The following KDM4B variants were observed in gnomAD, a reference collection of about 807,000 sequenced individuals.
The protein encoded by KDM4B is lysine demethylase 4B, also known as lysine-specific demethylase 4B.
A neutral mutation model predicts 125.2 loss-of-function variants in KDM4B; 32 were observed. The observed-to-expected ratio is 0.26, with a 90% CI of 0.19 to 0.34. KDM4B has a LOEUF of 0.34. Ranked by LOEUF, KDM4B falls within the 10% of genes least tolerant of loss-of-function variation. The pLI is 1.00. For missense variants in KDM4B, 1,190 were observed against 1,577.7 expected (o/e 0.75, Z 4.16); for synonymous variants, 721 against 677.9 (o/e 1.06, Z -0.99).
intron 6 of KDM4B, among the ~76,000 whole-genome samples, chr19:5,058,277 G>T (rs118060455): frequency 6.6e-6 from 1 of 152,216 alleles, no homozygotes; most frequent in Non-Finnish European, 1.5e-5. Flanking sequence ...CATGAGCTGC[G>T]TCAGGAGCAG....
chr19:5,094,105 C>T (rs920775594), intron 9 of KDM4B, among the ~76,000 whole-genome samples: 2 of 152,208 alleles, frequency 1.3e-5, no homozygotes, highest in African/African-American at 4.8e-5. Flanking sequence ...GCAGGGGTGT[C>T]GCCCTCTCCT....
intron 6 of KDM4B, among the ~76,000 whole-genome samples, chr19:5,050,071 G>A (rs371519140): frequency 3.3e-5 from 5 of 152,332 alleles, no homozygotes; most frequent in East Asian, 1.9e-4. Context: ...GCTGCGCCCC[G>A]TCTGTCTCCC....
chr19:5,068,952 C>G (rs758845250), intron 6 of KDM4B, among the ~76,000 whole-genome samples: 2 of 152,200 alleles, frequency 1.3e-5, no homozygotes, highest in South Asian at 2.1e-4. Context: ...ATCATCGCAG[C>G]CTTGGAGCCA....
At chr19:5,087,491 T>A (rs2038543147) in intron 9 of KDM4B, among the ~76,000 whole-genome samples, 1 of 152,200 alleles carries the variant, frequency 6.6e-6, no homozygotes, top group African/African-American at 2.4e-5. Flanking sequence ...ACCTGCAGCG[T>A]CCCTTGGAGG....
In KDM4B at chr19:5,144,292, C is replaced by T. The variant is rs904565000; in HGVS notation, c.2781C>T (p.Thr927=). ...RAVSLGQVVI[T]KNRNGLYYRC... Reference sequence around the variant, plus strand: ...TGTCCCTAGGCCAGGTGGTCATCACCAAGAACCGCAACGGGCTGTACTACC... The same window carrying T: ...TGTCCCTAGGCCAGGTGGTCATCACTAAGAACCGCAACGGGCTGTACTACC... The change falls in exon 20 of 23, where the codon ACC becomes ACT. Residue 927 remains threonine (T), a synonymous_variant. Transcript: ENST00000159111. 5 of 1,593,920 alleles carry T rather than the reference C, an allele frequency of 3.1e-6. No individual in the cohort carries two copies. In the African/African-American group the frequency reaches 5.4e-5, roughly 17 times the overall value.
At chr19:5,122,724 G>GA in intron 11 of KDM4B, among the ~76,000 whole-genome samples, 1 of 152,288 alleles carries the variant, frequency 6.6e-6, no homozygotes, top group East Asian at 1.9e-4. Flanking sequence ...GGACCAGGAG[G>GA]GGCTCAGCCC....
intron 2 of KDM4B, among the ~76,000 whole-genome samples, chr19:5,017,031 G>A (rs2035913381): frequency 6.6e-6 from 1 of 152,352 alleles, no homozygotes; most frequent in South Asian, 2.1e-4. Context: ...CAGTGGCAGC[G>A]GCGGCCGGCA....
At chr19:5,096,845 C>T (rs1041539731) in intron 9 of KDM4B, among the ~76,000 whole-genome samples, 1 of 151,912 alleles carries the variant, frequency 6.6e-6, no homozygotes. Flanking sequence ...GTTGCCGTGG[C>T]GCCTGCCTGG....
chr19:5,057,401 T>C (rs2037445420), intron 6 of KDM4B, among the ~76,000 whole-genome samples: 1 of 152,234 alleles, frequency 6.6e-6, no homozygotes, highest in Non-Finnish European at 1.5e-5. Context: ...AATTCCCCAC[T>C]GTATGGCTGG....
At chr19:4,982,889 G>A (rs924525215) in intron 1 of KDM4B, among the ~76,000 whole-genome samples, 13 of 152,200 alleles carry the variant, frequency 8.5e-5, no homozygotes, top group African/African-American at 3.1e-4. Flanking sequence ...GGGATGACAG[G>A]TGTGAGTCAC....
intron 2 of KDM4B, among the ~76,000 whole-genome samples, chr19:5,023,806 C>T (rs1568235202): frequency 6.8e-6 from 1 of 147,234 alleles, no homozygotes; most frequent in African/African-American, 2.5e-5. Context: ...CACTCTGTCC[C>T]TGGCTGGAGT....
intron 21 of KDM4B, among the ~76,000 whole-genome samples, chr19:5,148,164 C>T (rs765624822): frequency 7.9e-5 from 12 of 152,256 alleles, no homozygotes; most frequent in East Asian, 1.9e-4. Context: ...CCGAGGCGCA[C>T]GCCTCTGATT....
chr19:4,988,838 T>TGGG (rs1431659627), intron 1 of KDM4B, among the ~76,000 whole-genome samples: 1 of 152,120 alleles, frequency 6.6e-6, no homozygotes, highest in Non-Finnish European at 1.5e-5. Context: ...CGCAGAGGCT[T>TGGG]GGGTGACCTC....
At chr19:5,013,630 C>T (rs1418269483) in intron 1 of KDM4B, among the ~76,000 whole-genome samples, 1 of 152,214 alleles carries the variant, frequency 6.6e-6, no homozygotes, top group Non-Finnish European at 1.5e-5. Flanking sequence ...CCCTTCACAG[C>T]CACAGCGCAG....
At chr19:5,118,858 G>C (rs1274135373) in intron 10 of KDM4B, among the ~76,000 whole-genome samples, 1 of 152,220 alleles carries the variant, frequency 6.6e-6, no homozygotes, top group Non-Finnish European at 1.5e-5. Context: ...TCCAGGTTGG[G>C]CATGCAGGAT....
chr19:5,127,444 A>G (rs983357759), intron 11 of KDM4B, among the ~76,000 whole-genome samples: 1 of 152,144 alleles, frequency 6.6e-6, no homozygotes, highest in African/African-American at 2.4e-5. Flanking sequence ...CTGGGAGCCG[A>G]CAGGGAGAGG....
intron 10 of KDM4B, among the ~76,000 whole-genome samples, chr19:5,116,410 AGGGGAATAAG>A (rs1182332214): frequency 1.3e-4 from 20 of 152,202 alleles, no homozygotes; most frequent in Non-Finnish European, 1.6e-4. Flanking sequence ...GAAATGTGTG[AGGGGAATAAG>A]GATCTTTTTA....
At chr19:4,992,797 A>G (rs2035070518) in intron 1 of KDM4B, among the ~76,000 whole-genome samples, 1 of 152,140 alleles carries the variant, frequency 6.6e-6, no homozygotes, top group African/African-American at 2.4e-5. Context: ...ATTCACCTCA[A>G]AATATTTTCT....
At chr19:5,024,636 A>G (rs1330854656) in intron 2 of KDM4B, among the ~76,000 whole-genome samples, 1 of 151,010 alleles carries the variant, frequency 6.6e-6, no homozygotes, top group African/African-American at 2.5e-5. Flanking sequence ...TCCCTGGAAC[A>G]AACAGCTGCC....
Sources: allele counts gnomAD v4.1 joint callset (sites outside exome capture counted in the v4.1 genomes callset), GRCh38; gene constraint gnomAD v4.1.1; transcripts MANE v1.5; gene names NCBI Gene and HGNC (gene_info 2026-07-23, HGNC 2026-07-21).